Variants in PAPSS1 observed in about 807,000 individuals in gnomAD.
PAPSS1 encodes 3'-phosphoadenosine 5'-phosphosulfate synthase 1, also known as bifunctional 3'-phosphoadenosine 5'-phosphosulfate synthase 1.
Under a neutral mutation model 72.0 loss-of-function variants are expected in PAPSS1, and 50 were observed. That is an observed-to-expected ratio of 0.69 (90% CI 0.55 to 0.88). The LOEUF is 0.88. Among genes scored for constraint, PAPSS1 ranks in the 40% least tolerant of loss-of-function variants. The pLI is 0.00. For missense variants in PAPSS1, 657 were observed against 782.2 expected, an observed-to-expected ratio of 0.84 and a Z score of 1.91; for synonymous variants, 261 against 263.6, an observed-to-expected ratio of 0.99 and a Z score of 0.09.
intron 3 of PAPSS1, 23 bp downstream of exon 3, chr4:107,693,748 G>T: frequency 6.6e-7 from 1 of 1,506,938 alleles, no homozygotes; most frequent in South Asian, 1.1e-5. Flanking sequence ...AAGCAGAAAG[G>T]CAATGGCACA....
chr4:107,703,414 CAA>C (rs35894658), intron 1 of PAPSS1, among the ~76,000 whole-genome samples: 3 of 144,608 alleles, frequency 2.1e-5, no homozygotes, highest in African/African-American at 2.5e-5. Flanking sequence ...GAGTCATATC[CAA>C]AAAAAAAAAA....
chr4:107,713,699 C>T (rs1324759560), intron 1 of PAPSS1, among the ~76,000 whole-genome samples: 6 of 150,520 alleles, frequency 4.0e-5, no homozygotes, highest in African/African-American at 1.2e-4. Context: ...TGGAGGTTGC[C>T]GTGAGCCAAG....
chr4:107,646,818 C>G (rs1359116428), intron 9 of PAPSS1, among the ~76,000 whole-genome samples: 1 of 152,202 alleles, frequency 6.6e-6, no homozygotes, highest in Non-Finnish European at 1.5e-5. Context: ...TACTGTCTCC[C>G]CAACTGCCTC....
chr4:107,685,608 G>C (rs1017195292), intron 4 of PAPSS1, among the ~76,000 whole-genome samples: 1 of 152,158 alleles, frequency 6.6e-6, no homozygotes, highest in Non-Finnish European at 1.5e-5. Flanking sequence ...AGTCAAGAAA[G>C]TAACAGCTTA....
intron 1 of PAPSS1, among the ~76,000 whole-genome samples, chr4:107,716,220 C>T (rs988493805): frequency 6.6e-6 from 1 of 152,156 alleles, no homozygotes; most frequent in Non-Finnish European, 1.5e-5. Flanking sequence ...CAGAAGAGCA[C>T]AAACAATTCA....
chr4:107,674,955 G>A (rs1578413986), intron 5 of PAPSS1, among the ~76,000 whole-genome samples: 2 of 152,034 alleles, frequency 1.3e-5, no homozygotes, highest in East Asian at 1.9e-4. Context: ...ATGAAATGAA[G>A]GCAGAAATAA....
intron 1 of PAPSS1, among the ~76,000 whole-genome samples, chr4:107,704,195 GTATTCTGCAACTTTAC>G (rs1479981421): frequency 6.6e-6 from 1 of 152,134 alleles, no homozygotes. Flanking sequence ...TGTTGAGTTT[GTATTCTGCAACTTTAC>G]TAAATTTATT....
At chr4:107,664,366 T>C (rs1727262800) in intron 5 of PAPSS1, among the ~76,000 whole-genome samples, 1 of 152,118 alleles carries the variant, frequency 6.6e-6, no homozygotes, top group African/African-American at 2.4e-5. Flanking sequence ...AGCAGACACA[T>C]CTTCTGATTT....
In PAPSS1 at chr4:107,643,725, A is replaced by T. The variant is rs866339938; in HGVS notation, c.1506+1077T>A. ...AAAAACTTCTGGGTGATGATAAAAA[A>T]TTTTTTTTAATCTGGAAGCTGATTG... On this transcript the variant is annotated intron_variant, in intron 10 of 11. Transcript: ENST00000265174. 2.2e-4 allele frequency among the ~76,000 whole-genome samples: 34 copies of T among 152,178 alleles called. No homozygotes were observed. In the Middle Eastern group the frequency reaches 0.014, roughly 61 times the overall value.
intron 1 of PAPSS1, 126 bp downstream of exon 1, chr4:107,719,994 C>A: frequency 2.0e-6 from 3 of 1,482,954 alleles, no homozygotes; most frequent in East Asian, 2.8e-5. Flanking sequence ...GCCGCAGCCC[C>A]GGAACCCACC....
Sources: allele counts gnomAD v4.1 joint callset (sites outside exome capture counted in the v4.1 genomes callset), GRCh38; gene constraint gnomAD v4.1.1; transcripts MANE v1.5; gene names NCBI Gene and HGNC (gene_info 2026-07-23, HGNC 2026-07-21).